KBTBD2: variants seen among roughly 807,000 people sequenced by gnomAD.
The protein encoded by KBTBD2 is kelch repeat and BTB domain-containing protein 2.
A neutral mutation model predicts 57.1 loss-of-function variants in KBTBD2; 17 were observed. The observed-to-expected ratio is 0.30, with a 90% CI of 0.20 to 0.45. The LOEUF (loss-of-function observed/expected upper bound fraction) is 0.45, where lower values mean the gene tolerates loss of function less well. Ranked by LOEUF, KBTBD2 falls within the 20% of genes least tolerant of loss-of-function variation. The probability of loss-of-function intolerance (pLI) is 1.00; values close to 1 mark genes in which losing one functional copy is unlikely to be tolerated. For synonymous variants in KBTBD2, 267 were observed against 262.7 expected, an observed-to-expected ratio of 1.02 and a Z score of -0.16; for missense variants, 515 against 750.6, an observed-to-expected ratio of 0.69 and a Z score of 3.67.
intron 1 of KBTBD2, among the ~76,000 whole-genome samples, chr7:32,884,964 GTGTA>G (rs939458728): frequency 4.5e-4 from 59 of 130,622 alleles, no homozygotes; most frequent in African/African-American, 1.8e-3. Flanking sequence ...ATATATATGT[GTGTA>G]TGTGTGTGTA....
chr7:32,888,658 G>A (rs1784644005), intron 1 of KBTBD2, among the ~76,000 whole-genome samples: 1 of 147,950 alleles, frequency 6.8e-6, no homozygotes, highest in Admixed American at 6.8e-5. Flanking sequence ...TCGCATCACT[G>A]CACTCCAGCC....
chr7:32,885,104 A>G (rs978757978), intron 1 of KBTBD2, among the ~76,000 whole-genome samples: 9 of 150,450 alleles, frequency 6.0e-5, no homozygotes, highest in African/African-American at 2.0e-4. Flanking sequence ...TTGAACTCCT[A>G]CGTTCAAGCG....
At chr7:32,890,799 C>T (rs868384121) in intron 1 of KBTBD2, among the ~76,000 whole-genome samples, 62 of 152,110 alleles carry the variant, frequency 4.1e-4, no homozygotes, top group African/African-American at 1.5e-3. Context: ...GCTCCTCTAC[C>T]TTTTGAGGCA....
Position 32,870,372 on chromosome 7 carries a change from A to C in KBTBD2, c.845T>G (p.Leu282Arg). The C allele has an allele frequency of 6.2e-7, 1 of 1,613,444 alleles. No individual in the cohort carries two copies. The highest frequency in any genetic ancestry group is 8.5e-7 in the Non-Finnish European group (1 of 1,179,780). The change falls in exon 4 of 4, where the codon CTT becomes CGT. Residue 282 changes from leucine to arginine, a missense_variant. Coordinates refer to ENST00000304056, the MANE Select transcript of KBTBD2 (RefSeq NM_015483.3). ...GGGGCTGTAACAGACAGAAGAGTAAAGACTACAAGGATTTTCTGAAGATGC... is the reference window on the plus strand; with the variant it reads ...GGGGCTGTAACAGACAGAAGAGTAACGACTACAAGGATTTTCTGAAGATGC... ...IEASSENPCS[L>R]YSSVCYSPQA... is the part of the protein sequence containing the mutation.
At chr7:32,880,639 T>G (rs540977426) in intron 1 of KBTBD2, among the ~76,000 whole-genome samples, 1 of 152,284 alleles carries the variant, frequency 6.6e-6, no homozygotes, top group East Asian at 1.9e-4. Flanking sequence ...CGAATTAATA[T>G]GTAACTTTAA....
At chr7:32,871,303 AAC>A (rs1462333081) in intron 3 of KBTBD2, among the ~76,000 whole-genome samples, 2 of 152,222 alleles carry the variant, frequency 1.3e-5, no homozygotes, top group East Asian at 1.9e-4. Flanking sequence ...CCTCAATTTG[AAC>A]ACAGTCACAT....
chr7:32,870,049 C>T lies in KBTBD2; in HGVS notation c.1168G>A (p.Val390Ile), dbSNP rs765986162. The change falls in exon 4 of 4, where the codon GTA becomes ATA. Residue 390 changes from valine to isoleucine, a missense_variant. Transcript: ENST00000304056. Reference sequence around the variant, plus strand: ...GTCCTCCGATTAAGTTCTCCACCTACGCTATCTCCTCCAATTGCATAGATA... The same window carrying T: ...GTCCTCCGATTAAGTTCTCCACCTATGCTATCTCCTCCAATTGCATAGATA... ...GYIYAIGGDS[V>I]GGELNRRTVE... 33 of 1,614,014 alleles carry T rather than the reference C, an allele frequency of 2.0e-5. No individual in the cohort carries two copies. Among genetic ancestry groups the T allele is most frequent in the Middle Eastern group, 1.6e-4 (1 of 6,084 alleles).
At chr7:32,882,917 G>A (rs960679877) in intron 1 of KBTBD2, among the ~76,000 whole-genome samples, 7 of 152,294 alleles carry the variant, frequency 4.6e-5, no homozygotes, top group Admixed American at 1.3e-4. Context: ...CCTGGCAGAC[G>A]GAGGTTGCAG....
intron 3 of KBTBD2, among the ~76,000 whole-genome samples, chr7:32,872,716 A>G (rs1034314669): frequency 1.3e-5 from 2 of 152,126 alleles, no homozygotes; most frequent in Non-Finnish European, 2.9e-5. Flanking sequence ...TCAAAATCCA[A>G]AATGCTCCAA....
intron 1 of KBTBD2, among the ~76,000 whole-genome samples, chr7:32,887,216 T>TA (rs1001903121): frequency 3.3e-5 from 5 of 151,962 alleles, no homozygotes; most frequent in African/African-American, 1.2e-4. Flanking sequence ...GAAGAAAGGA[T>TA]AAAAAGATGG....
At chr7:32,892,075 C>G (rs1278416155), upstream of KBTBD2, 1 of 151,966 alleles carries the variant, frequency 6.6e-6, no homozygotes, top group African/African-American at 2.4e-5. Flanking sequence ...GACCGTCCCC[C>G]GCCCCTCCCT....
At chr7:32,888,355 G>A (rs1784634604) in intron 1 of KBTBD2, among the ~76,000 whole-genome samples, 1 of 152,066 alleles carries the variant, frequency 6.6e-6, no homozygotes, top group Non-Finnish European at 1.5e-5. Flanking sequence ...CATAAAACAA[G>A]CCTTTCTTTA....
At chr7:32,885,113 C>T (rs937463634) in intron 1 of KBTBD2, among the ~76,000 whole-genome samples, 6 of 150,812 alleles carry the variant, frequency 4.0e-5, no homozygotes, top group Non-Finnish European at 8.8e-5. Flanking sequence ...TACGTTCAAG[C>T]GATCCACTTG....
At position 32,879,542 on chromosome 7, in the gene KBTBD2, C is replaced by G; in HGVS notation, c.63G>C (p.Leu21Phe). 6.2e-7 allele frequency: 1 copy of G among 1,612,394 alleles called. No homozygotes were observed. The highest frequency in any genetic ancestry group is 8.5e-7 in the Non-Finnish European group (1 of 1,178,628). ...ACAACTGCTGTTCATAAAACAGTTT[C>G]AACTGTTCCAACAATGACACAGCAT... ...TEYAVSLLEQLKLFYEQQLFT... is the reference protein window; with the variant it reads ...TEYAVSLLEQFKLFYEQQLFT... Residue 21 changes from leucine (L) to phenylalanine (F), a missense_variant, in exon 2 of 4, where the codon TTG (leucine) becomes TTC (phenylalanine). Coordinates refer to ENST00000304056, the MANE Select transcript of KBTBD2 (RefSeq NM_015483.3).
At chr7:32,884,776 T>C (rs1784526950) in intron 1 of KBTBD2, among the ~76,000 whole-genome samples, 1 of 151,918 alleles carries the variant, frequency 6.6e-6, no homozygotes, top group African/African-American at 2.4e-5. Flanking sequence ...CAAAATATTT[T>C]AGGCTTTGGG....
Position 32,869,259 on chromosome 7 carries a change from A to T in KBTBD2, c.*86T>A. 7 of 923,286 alleles carry T rather than the reference A, an allele frequency of 7.6e-6. No homozygotes were observed. The South Asian group carries it at 1.2e-4, about 16-fold the overall frequency. 57.2% of individuals were successfully genotyped at this position (923,286 alleles called of 1,614,324 possible). ...ATCAAAGATAGAATTTTATGTACTC[A>T]TATTTAGTTCTTTCATAGCCTCTTT... On this transcript the variant is annotated 3_prime_UTR_variant, in exon 4 of 4. Transcript: ENST00000304056.
At chr7:32,878,483 G>A (rs933133657) in intron 2 of KBTBD2, among the ~76,000 whole-genome samples, 31 of 151,988 alleles carry the variant, frequency 2.0e-4, no homozygotes, top group African/African-American at 7.0e-4. Context: ...GGGAGGCTGA[G>A]GCAGCAGAAT....
chr7:32,884,985 T>C (rs1562537493), intron 1 of KBTBD2, among the ~76,000 whole-genome samples: 1 of 113,494 alleles, frequency 8.8e-6, no homozygotes, highest in Non-Finnish European at 1.7e-5. Context: ...TGTATATATA[T>C]ATATACACAT....
chr7:32,874,414 A>G (rs1393855770), intron 3 of KBTBD2: 1 of 151,368 alleles, frequency 6.6e-6, no homozygotes. Context: ...AAATAAATAA[A>G]TAAAAATAAA....
Sources: gnomAD v4.1 joint callset for allele counts (sites outside exome capture counted in the v4.1 genomes callset) on GRCh38, gnomAD v4.1.1 for gene constraint, MANE v1.5 for transcripts, NCBI Gene and HGNC (gene_info 2026-07-23, HGNC 2026-07-21) for gene names.